The following CCSER1 variants were observed in gnomAD, a reference collection of about 807,000 sequenced individuals.
CCSER1 encodes the protein serine-rich coiled-coil domain-containing protein 1.
A neutral mutation model predicts 82.0 loss-of-function variants in CCSER1; 41 were observed. The observed-to-expected ratio is 0.50, with a 90% CI of 0.39 to 0.65. CCSER1 has a LOEUF of 0.65. Ranked by LOEUF, CCSER1 falls within the 30% of genes least tolerant of loss-of-function variation. The probability of loss-of-function intolerance (pLI) is 0.00; values close to 1 mark genes in which losing one functional copy is unlikely to be tolerated. For synonymous variants in CCSER1, 414 were observed against 383.9 expected (o/e 1.08, Z -0.92); for missense variants, 1,119 against 1,064.2 (o/e 1.05, Z -0.72).
chr4:90,784,179 C>A (rs1754172040), intron 7 of CCSER1, among the ~76,000 whole-genome samples: 1 of 152,128 alleles, frequency 6.6e-6, no homozygotes, highest in African/African-American at 2.4e-5. Context: ...TAGTAGCATT[C>A]TGAGTGAAGA....
intron 6 of CCSER1, among the ~76,000 whole-genome samples, chr4:90,635,831 A>T (rs937615660): frequency 6.6e-6 from 1 of 151,898 alleles, no homozygotes; most frequent in South Asian, 2.1e-4. Flanking sequence ...AATTACCCTG[A>T]TTTAATCACT....
intron 10 of CCSER1, among the ~76,000 whole-genome samples, chr4:91,477,479 AT>A (rs902492025): frequency 2.4e-4 from 36 of 151,552 alleles, no homozygotes; most frequent in Middle Eastern, 3.4e-3. Context: ...TATAGCTCCA[AT>A]TTTTTTTATT....
intron 7 of CCSER1, among the ~76,000 whole-genome samples, chr4:90,748,840 G>C (rs62312991): frequency 6.7e-6 from 1 of 149,560 alleles, no homozygotes; most frequent in Admixed American, 6.7e-5. Flanking sequence ...GTCTTCTTTT[G>C]AGAAGTGTCT....
intron 10 of CCSER1, among the ~76,000 whole-genome samples, chr4:91,321,393 A>AT (rs1461051936): frequency 5.9e-5 from 9 of 151,800 alleles, no homozygotes. Flanking sequence ...TAGAAGAAAC[A>AT]TTTTTTTTAG....
intron 5 of CCSER1, among the ~76,000 whole-genome samples, chr4:90,575,092 C>T (rs1287361791): frequency 1.3e-5 from 2 of 152,306 alleles, no homozygotes; most frequent in East Asian, 1.9e-4. Flanking sequence ...TTTGTTCACT[C>T]GCTTTTTAAA....
chr4:90,162,230 C>G (rs971657034), intron 1 of CCSER1, among the ~76,000 whole-genome samples: 3 of 152,062 alleles, frequency 2.0e-5, no homozygotes, highest in Non-Finnish European at 4.4e-5. Context: ...AAGCAGAAAG[C>G]CTTCCCTTTA....
chr4:90,133,762 C>G (rs1049460074), intron 1 of CCSER1, among the ~76,000 whole-genome samples: 3 of 152,098 alleles, frequency 2.0e-5, no homozygotes, highest in Non-Finnish European at 4.4e-5. Context: ...TGTTCCTCTT[C>G]CTTGTGGTAC....
In CCSER1 at chr4:91,136,076, C is replaced by A. The variant is rs114979433; in HGVS notation, c.2217+50082C>A. On this transcript the variant is annotated intron_variant, in intron 10 of 10. Transcript: ENST00000509176. ...CAGTAAAAAATTTTAGTTTCCAAAT[C>A]CTTATTTTCTTGCATATCAAATCCA... Among the ~76,000 whole-genome samples the A allele has an allele frequency of 5.7e-3, 871 of 152,228 alleles. 12 individuals carry two copies. The highest frequency in any genetic ancestry group is 0.02 in the African/African-American group (813 of 41,530).
intron 9 of CCSER1, among the ~76,000 whole-genome samples, chr4:90,969,989 C>CAA (rs34201664): frequency 6.3e-4 from 91 of 145,256 alleles, no homozygotes; most frequent in African/African-American, 1.4e-3. Flanking sequence ...TATACCACCG[C>CAA]AAAAAAAAAA....
rs114977775 is a variant in CCSER1, at chr4:90,319,201, C to T, written c.1509+6154C>T. 3.9e-3 allele frequency among the ~76,000 whole-genome samples: 588 copies of T among 152,188 alleles called. 5 individuals are homozygous for T. The highest frequency in any genetic ancestry group is 0.013 in the African/African-American group (555 of 41,532). On this transcript the variant is annotated intron_variant, in intron 3 of 10. Coordinates refer to ENST00000509176, the MANE Select transcript of CCSER1 (RefSeq NM_001145065.2). ...AGAAAGTTGGGACAGTAAAGAAGAA[C>T]GTACAAAATGAATCTCATGATTAAT...
Position 90,247,855 on chromosome 4 carries a change from GT to G in CCSER1, c.-41-60381del, listed in dbSNP as rs397878573. ...TTAGACTAGCTGGTTCTTATTTATG[GT>G]TTTTTTTGAAAAAAGCATTTTTGAT... On this transcript the variant is annotated intron_variant, in intron 1 of 10. Transcript: ENST00000509176. Among the ~76,000 whole-genome samples, 1,034 of 150,962 alleles carry G rather than the reference GT, an allele frequency of 6.8e-3. 9 individuals are homozygous for G. Among genetic ancestry groups the G allele is most frequent in the African/African-American group, 0.024 (999 of 41,180 alleles).
intron 10 of CCSER1, among the ~76,000 whole-genome samples, chr4:91,423,140 G>T (rs1047680856): frequency 2.4e-4 from 37 of 151,854 alleles, no homozygotes; most frequent in Non-Finnish European, 4.3e-4. Flanking sequence ...AAAAAAGTAG[G>T]TCTGGCCTGG....
At chr4:91,252,769 A>C (rs1050127454) in intron 10 of CCSER1, among the ~76,000 whole-genome samples, 1 of 152,164 alleles carries the variant, frequency 6.6e-6, no homozygotes, top group African/African-American at 2.4e-5. Flanking sequence ...TAACTTTAGG[A>C]CATTAAATGT....
chr4:91,005,012 A>G (rs763731508), intron 9 of CCSER1, among the ~76,000 whole-genome samples: 9 of 152,210 alleles, frequency 5.9e-5, no homozygotes, highest in Non-Finnish European at 8.8e-5. Context: ...GAAGTATAAA[A>G]TGAATAGGGA....
At chr4:90,173,312 G>C (rs1319549297) in intron 1 of CCSER1, among the ~76,000 whole-genome samples, 2 of 149,988 alleles carry the variant, frequency 1.3e-5, no homozygotes, top group African/African-American at 2.5e-5. Flanking sequence ...TTATATGAAA[G>C]TATTGATCTG....
intron 5 of CCSER1, among the ~76,000 whole-genome samples, chr4:90,490,793 T>C (rs1767886036): frequency 6.6e-6 from 1 of 152,114 alleles, no homozygotes; most frequent in Non-Finnish European, 1.5e-5. Context: ...TTTCCCTATT[T>C]CTTGTTTTTG....
At chr4:90,215,590 G>A (rs62313897) in intron 1 of CCSER1, among the ~76,000 whole-genome samples, 6,658 of 152,132 alleles carry the variant, frequency 0.044, 203 homozygotes, top group Non-Finnish European at 0.064. Flanking sequence ...AAAAATAAAA[G>A]CAAGTTCACA....
At chr4:91,157,964 T>C (rs1404113758) in intron 10 of CCSER1, among the ~76,000 whole-genome samples, 1 of 152,036 alleles carries the variant, frequency 6.6e-6, no homozygotes, top group Non-Finnish European at 1.5e-5. Flanking sequence ...TTGTACTAAA[T>C]TACAGAGTAG....
chr4:90,709,448 C>G (rs1430698449), intron 6 of CCSER1, among the ~76,000 whole-genome samples: 2 of 151,924 alleles, frequency 1.3e-5, no homozygotes, highest in Non-Finnish European at 2.9e-5. Flanking sequence ...AAACCCCCTC[C>G]AACAGGTCCC....
Sources: allele counts gnomAD v4.1 joint callset (sites outside exome capture counted in the v4.1 genomes callset), GRCh38; gene constraint gnomAD v4.1.1; transcripts MANE v1.5; gene names NCBI Gene and HGNC (gene_info 2026-07-23, HGNC 2026-07-21).